Variants in TRAPPC8 observed in about 807,000 individuals in gnomAD.
TRAPPC8 encodes the protein trafficking protein particle complex subunit 8, also known as general sporulation gene 1 homolog.
In TRAPPC8, 54 loss-of-function variants were observed where a neutral mutation model predicts 174.3. The observed-to-expected ratio is 0.31, with a 90% CI of 0.25 to 0.39. The LOEUF is 0.39. TRAPPC8 is among the 10% of genes least tolerant of loss of function. TRAPPC8 has a pLI of 1.00. For synonymous variants in TRAPPC8, 630 were observed against 579.9 expected, an observed-to-expected ratio of 1.09 and a Z score of -1.24; for missense variants, 1,531 against 1,699.1, an observed-to-expected ratio of 0.90 and a Z score of 1.74.
chr18:31,842,453 G>A (rs951113185), intron 26 of TRAPPC8, among the ~76,000 whole-genome samples: 2 of 152,146 alleles, frequency 1.3e-5, no homozygotes, highest in Non-Finnish European at 2.9e-5. Context: ...CATAAATGTC[G>A]ACTGGCATCA....
At chr18:31,897,167 GTTA>G (rs1321055833) in intron 11 of TRAPPC8, among the ~76,000 whole-genome samples, 1 of 152,102 alleles carries the variant, frequency 6.6e-6, no homozygotes, top group African/African-American at 2.4e-5. Flanking sequence ...TAAAAAATGT[GTTA>G]TTAACAGTAC....
At chr18:31,929,906 T>C (rs546739743) in intron 2 of TRAPPC8, among the ~76,000 whole-genome samples, 1 of 152,318 alleles carries the variant, frequency 6.6e-6, no homozygotes, top group African/African-American at 2.4e-5. Context: ...ATTCAGATTT[T>C]TTTGACTGGT....
At chr18:31,858,987 G>A (rs2034181545) in intron 19 of TRAPPC8, among the ~76,000 whole-genome samples, 1 of 152,112 alleles carries the variant, frequency 6.6e-6, no homozygotes, top group Non-Finnish European at 1.5e-5. Context: ...CAGCTACTGG[G>A]GAGGCTGCAG....
At chr18:31,888,603 T>A (rs1240191086) in intron 12 of TRAPPC8, among the ~76,000 whole-genome samples, 4 of 152,336 alleles carry the variant, frequency 2.6e-5, no homozygotes, top group East Asian at 1.9e-4. Context: ...AGGAAAGAGA[T>A]CATGTCCTTT....
intron 12 of TRAPPC8, among the ~76,000 whole-genome samples, chr18:31,888,857 T>C (rs2035835800): frequency 6.6e-6 from 1 of 152,220 alleles, no homozygotes; most frequent in Admixed American, 6.5e-5. Context: ...CAAACCACCA[T>C]GGCACACGTT....
intron 12 of TRAPPC8, among the ~76,000 whole-genome samples, chr18:31,876,509 A>AAAAAAAAAAAAAAAAAAAAAAAT (rs2035160356): frequency 6.7e-6 from 1 of 148,614 alleles, no homozygotes; most frequent in African/African-American, 2.5e-5. Flanking sequence ...AAAAAAAAAA[A>AAAAAAAAAAAAAAAAAAAAAAAT]AAAGATCACT....
chr18:31,877,236 A>T (rs79462143), intron 12 of TRAPPC8, among the ~76,000 whole-genome samples: 9,031 of 152,272 alleles, frequency 0.059, 283 homozygotes, highest in Middle Eastern at 0.11. Context: ...TGAACACAGG[A>T]GAGGTTCTCC....
Position 31,900,884 on chromosome 18 carries a change from C to A in TRAPPC8, c.1490+41G>T, listed in dbSNP as rs368953107. The stretch of plus-strand genomic sequence containing the variant: ...AAAAAAAAAAAAAAGAACAAACTGA[C>A]CTTTAACTGGATACAATATAAATCT... On this transcript the variant is annotated intron_variant, in intron 10 of 28. Transcript: ENST00000283351. The A allele has an allele frequency of 8.4e-6, 12 of 1,420,332 alleles. No homozygotes were observed. The African/African-American group carries it at 1.6e-4, about 19-fold the overall frequency. 88.0% of individuals were successfully genotyped at this position (1,420,332 alleles called of 1,614,324 possible).
intron 4 of TRAPPC8, among the ~76,000 whole-genome samples, chr18:31,915,277 G>A (rs542994991): frequency 7.9e-5 from 12 of 151,738 alleles, no homozygotes; most frequent in African/African-American, 2.7e-4. Context: ...CCTGGCCTAC[G>A]TGGTGAAACC....
chr18:31,926,941 T>C (rs1198856846), intron 2 of TRAPPC8, among the ~76,000 whole-genome samples: 1 of 152,084 alleles, frequency 6.6e-6, no homozygotes, highest in Non-Finnish European at 1.5e-5. Flanking sequence ...CTTATTTAAA[T>C]TTAAAACTTA....
chr18:31,917,690 C>T (rs1387684404), intron 2 of TRAPPC8, 23 bp from the exon 3 acceptor site: 1 of 1,586,982 alleles, frequency 6.3e-7, no homozygotes, highest in African/African-American at 1.3e-5. Flanking sequence ...ATATACAAAA[C>T]AGTTAAAAGT....
chr18:31,876,671 T>G, intron 12 of TRAPPC8, among the ~76,000 whole-genome samples: 1 of 151,886 alleles, frequency 6.6e-6, no homozygotes, highest in East Asian at 1.9e-4. Context: ...CAACAAGAGT[T>G]TGGCAGGGAT....
At chr18:31,900,728 A>C (rs930129176) in intron 10 of TRAPPC8, among the ~76,000 whole-genome samples, 197 bp downstream of exon 10, 3 of 152,242 alleles carry the variant, frequency 2.0e-5, no homozygotes, top group African/African-American at 7.2e-5. Flanking sequence ...TCAACATTAC[A>C]TAACACATTC....
intron 2 of TRAPPC8, among the ~76,000 whole-genome samples, chr18:31,924,266 C>T (rs1187322278): frequency 1.4e-5 from 2 of 143,622 alleles, no homozygotes; most frequent in Non-Finnish European, 3.0e-5. Flanking sequence ...GCCTGGGCAA[C>T]AAGAGCAAGA....
At chr18:31,869,956 G>C (rs372815151) in intron 16 of TRAPPC8, 3 of 152,742 alleles carry the variant, frequency 2.0e-5, no homozygotes, top group African/African-American at 7.2e-5. Flanking sequence ...GCTGGGCGTG[G>C]TGGGGTAAGC....
intron 2 of TRAPPC8, among the ~76,000 whole-genome samples, chr18:31,927,416 C>T (rs1158264123): frequency 6.6e-6 from 1 of 152,150 alleles, no homozygotes; most frequent in African/African-American, 2.4e-5. Context: ...GTGCCTGCTG[C>T]TGGCTAATTT....
Position 31,871,103 on chromosome 18 carries a change from T to C in TRAPPC8, c.2080A>G (p.Thr694Ala). The change falls in exon 15 of 29, where the codon ACT becomes GCT. Residue 694 changes from threonine (T) to alanine (A), a missense_variant. Thr to Ala is a moderately conservative substitution (Grantham distance 58). Coordinates refer to ENST00000283351, the MANE Select transcript of TRAPPC8 (RefSeq NM_014939.5). Reference sequence around the variant, plus strand: ...TATTCTTGATCAAGACTTACATGAGTAGCTGCTTGTTTTTCACCTAAAAAA... The same window carrying C: ...TATTCTTGATCAAGACTTACATGAGCAGCTGCTTGTTTTTCACCTAAAAAA... ...RPADGEKQAA[T>A]HVSLDQEYDS... The C allele has an allele frequency of 6.4e-7, 1 of 1,551,754 alleles. No homozygotes were observed.
intron 5 of TRAPPC8, among the ~76,000 whole-genome samples, chr18:31,911,797 G>A (rs993324753): frequency 4.1e-5 from 6 of 145,688 alleles, no homozygotes; most frequent in East Asian, 4.0e-4. Flanking sequence ...CTTCTAGGCC[G>A]GCATGATGGC....
intron 12 of TRAPPC8, among the ~76,000 whole-genome samples, chr18:31,879,618 A>G (rs557904652): frequency 2.0e-5 from 3 of 152,128 alleles, no homozygotes. Context: ...AGATCAGAGC[A>G]GATCTTTATT....
Sources: gnomAD v4.1 joint callset for allele counts (sites outside exome capture counted in the v4.1 genomes callset) on GRCh38, gnomAD v4.1.1 for gene constraint, MANE v1.5 for transcripts, NCBI Gene and HGNC (gene_info 2026-07-23, HGNC 2026-07-21) for gene names.